VWF: variants seen among roughly 807,000 people sequenced by gnomAD.
VWF encodes von Willebrand factor.
Under a neutral mutation model 308.6 loss-of-function variants are expected in VWF, and 176 were observed. That is an observed-to-expected ratio of 0.57 (90% CI 0.50 to 0.65). The LOEUF (loss-of-function observed/expected upper bound fraction) is 0.65. VWF is among the 30% of genes least tolerant of loss of function. VWF has a pLI of 0.00. For missense variants in VWF, 3,146 were observed against 3,648.2 expected, an observed-to-expected ratio of 0.86 and a Z score of 3.55; for synonymous variants, 1,385 against 1,443.4, an observed-to-expected ratio of 0.96 and a Z score of 0.92.
chr12:6,091,666 C>T (rs527593665), intron 6 of VWF, among the ~76,000 whole-genome samples: 1 of 152,300 alleles, frequency 6.6e-6, no homozygotes, highest in Admixed American at 6.5e-5. Flanking sequence ...GACTCAGCCT[C>T]CTGAGCAGCT....
intron 49 of VWF, 124 bp from the exon 50 acceptor site, chr12:5,952,007 T>C (rs1030561308): frequency 2.2e-5 from 20 of 928,130 alleles, no homozygotes; most frequent in Admixed American, 9.4e-5. Context: ...AGATGTAAAC[T>C]ATGCTTTCCT....
chr12:6,099,389 A>G (rs796878561), intron 5 of VWF, among the ~76,000 whole-genome samples: 42 of 151,596 alleles, frequency 2.8e-4, no homozygotes, highest in African/African-American at 9.9e-4. Context: ...TGGATAAGTG[A>G]GGAAAAACGT....
intron 50 of VWF, 88 bp from the exon 51 acceptor site, chr12:5,949,971 A>G: frequency 8.3e-7 from 1 of 1,208,996 alleles, no homozygotes; most frequent in Non-Finnish European, 1.2e-6. Flanking sequence ...TGGGCTGGAA[A>G]TAGGTCCCTT....
chr12:6,034,554 C>T (rs2136430427), intron 20 of VWF, 134 bp downstream of exon 20: 1 of 1,374,508 alleles, frequency 7.3e-7, no homozygotes, highest in Non-Finnish European at 1.0e-6. Context: ...CTGTGAAGGA[C>T]TGGGAAGTAC....
At chr12:5,980,090 GA>G (rs1943582025) in intron 42 of VWF, among the ~76,000 whole-genome samples, 1 of 61,870 alleles carries the variant, frequency 1.6e-5, no homozygotes, top group Admixed American at 2.0e-4. Context: ...AGAAAAGAAA[GA>G]AAGGAAGGAA....
At chr12:6,015,096 A>G (rs1944041434) in intron 31 of VWF, among the ~76,000 whole-genome samples, 1 of 152,212 alleles carries the variant, frequency 6.6e-6, no homozygotes, top group Admixed American at 6.5e-5. Context: ...TATATTATCC[A>G]AATATATATC....
chr12:5,959,955 G>A (rs1943293809), intron 47 of VWF, among the ~76,000 whole-genome samples: 1 of 149,448 alleles, frequency 6.7e-6, no homozygotes. Context: ...TAAATGACAA[G>A]ACATAATAAA....
Position 5,981,891 on chromosome 12 carries a change from A to T in VWF, c.7182T>A (p.Cys2394Ter). The T allele has an allele frequency of 6.2e-7, 1 of 1,613,836 alleles. No individual in the cohort carries two copies. The highest frequency in any genetic ancestry group is 8.5e-7 in the Non-Finnish European group (1 of 1,179,962). The change falls in exon 42 of 52, where the codon TGT (cysteine) becomes TGA (stop). Residue 2394 changes from cysteine to a stop codon, truncating the protein, a stop_gained. Transcript: ENST00000261405. LOFTEE classifies it high-confidence loss of function. ...CTGTGGAGTTGACACAGTTGCAGGC[A>T]CACTCATACTCATCACAGCACTGGG... ...RKTQCCDEYECACNCVNSTVS... is the reference protein window; with the variant it reads ...RKTQCCDEYE
At chr12:6,095,160 C>T (rs906277137) in intron 6 of VWF, 3 of 389,740 alleles carry the variant, frequency 7.7e-6, no homozygotes, top group African/African-American at 6.2e-5. Context: ...TTTGGGCTGC[C>T]TAGCCTCCAG....
chr12:6,063,307 A>T lies in VWF; in HGVS notation c.1433-253T>A, dbSNP rs947574990. Among the ~76,000 whole-genome samples the T allele has an allele frequency of 6.6e-6, 1 of 152,086 alleles. No homozygotes were observed. The highest frequency in any genetic ancestry group is 2.4e-5 in the African/African-American group (1 of 41,392). On this transcript the variant is annotated intron_variant, in intron 12 of 51. Coordinates refer to ENST00000261405, the MANE Select transcript of VWF (RefSeq NM_000552.5). The surrounding 1 kb of genome is among the most constrained non-coding windows in gnomAD (Gnocchi z 4.9). Reference sequence around the variant, plus strand: ...CCCGCTATGACCTGCCATTCCCCCTACTGCCACAGGAGGGAGGCAGAGGCT... The same window carrying T: ...CCCGCTATGACCTGCCATTCCCCCTTCTGCCACAGGAGGGAGGCAGAGGCT...
chr12:5,980,096 AAGGAAGGAAGGAAGGAAGG>A (rs1943582711), intron 42 of VWF, among the ~76,000 whole-genome samples: 1 of 8,176 alleles, frequency 1.2e-4, no homozygotes, highest in African/African-American at 2.8e-4. Flanking sequence ...GAAAGAAAGG[AAGGAAGGAAGGAAGGAAGG>A]AAGGAAGGAA....
In VWF at chr12:6,036,428, A is replaced by G. The variant is rs1944337529; in HGVS notation, c.2506T>C (p.Tyr836His). The G allele has an allele frequency of 2.5e-6, 4 of 1,613,966 alleles. No individual in the cohort carries two copies. The highest frequency in any genetic ancestry group is 3.4e-6 in the Non-Finnish European group (4 of 1,179,956). Residue 836 changes from tyrosine (Y) to histidine (H), a missense_variant, in exon 19 of 52, where the codon TAT becomes CAT. This residue lies in a region of VWF where 1,304 missense variants were observed against 1,353.0 expected (regional missense o/e 0.96). Transcript: ENST00000261405. ...ATCTTCACTGTTTCTCCAGGGGCAT[A>G]CTCCTTGCCCTGATGGAAGCAGGGA... ...RCPCFHQGKE[Y>H]APGETVKIGC...
chr12:6,044,337 C>A lies in VWF; in HGVS notation c.2396G>T (p.Cys799Phe). 6.2e-7 allele frequency: 1 copy of A among 1,614,208 alleles called. No individual in the cohort carries two copies. Among genetic ancestry groups the A allele is most frequent in the South Asian group, 1.1e-5 (1 of 91,084 alleles). The change falls in exon 18 of 52, where the codon TGC becomes TTC. Residue 799 changes from cysteine to phenylalanine, a missense_variant. By Grantham distance (205) the Cys-to-Phe change is radical. Coordinates refer to ENST00000261405, the MANE Select transcript of VWF (RefSeq NM_000552.5). ...GCCAGAGACACAGCCCATGCTCATG[C>A]ACTCCAGGTCATAGTTCTGGCACGT... The part of the protein sequence containing the change: ...TKTCQNYDLE[C>F]MSMGCVSGCL...
Position 6,044,324 on chromosome 12 carries a change from G to C in VWF, c.2409C>G (p.Gly803=), listed in dbSNP as rs369828268. The C allele has an allele frequency of 1.9e-6, 3 of 1,614,052 alleles. No homozygotes were observed. The highest frequency in any genetic ancestry group is 2.5e-6 in the Non-Finnish European group (3 of 1,180,036). Residue 803 remains glycine, a synonymous_variant, in exon 18 of 52, where the codon GGC becomes GGG. Transcript: ENST00000261405. ...QNYDLECMSM[G]CVSGCLCPPG... ...GGGGGCAGAGGCAGCCAGAGACACA[G>C]CCCATGCTCATGCACTCCAGGTCAT...
intron 6 of VWF, among the ~76,000 whole-genome samples, chr12:6,090,468 GA>G (rs1311617831): frequency 6.6e-6 from 1 of 152,216 alleles, no homozygotes; most frequent in African/African-American, 2.4e-5. Context: ...AGGAGAAAAA[GA>G]ATGCGTGTTG....
chr12:5,951,883 C>A lies in VWF; in HGVS notation c.8116G>T (p.Gly2706Cys). Residue 2706 changes from glycine to cysteine, a missense_variant and splice_region_variant, in exon 50 of 52, where the codon GGT becomes TGT. By Grantham distance (159) the Gly-to-Cys change is radical. This residue lies in a region of VWF where 989 missense variants were observed against 1,117.4 expected (regional missense o/e 0.89). Transcript: ENST00000261405. ...GTGCCTGGAATTTTCATAATTTTAC[C>A]CTAAGAAAACAGCAAAATTTCAGGT... is the stretch of plus-strand genomic sequence containing the variant. ...FDEHKCLAEG[G>C]KIMKIPGTCC... 1 of 1,614,116 alleles carries A rather than the reference C, an allele frequency of 6.2e-7. No homozygotes were observed. The highest frequency in any genetic ancestry group is 8.5e-7 in the Non-Finnish European group (1 of 1,180,022).
intron 13 of VWF, 42 bp downstream of exon 13, chr12:6,062,912 G>C (rs1230087740): frequency 4.6e-6 from 7 of 1,533,132 alleles, no homozygotes; most frequent in Non-Finnish European, 6.3e-6. Context: ...TACTTTGTAA[G>C]GGTCGGGCCG....
intron 7 of VWF, among the ~76,000 whole-genome samples, chr12:6,074,728 G>C (rs1170980066): frequency 1.3e-5 from 2 of 152,096 alleles, no homozygotes; most frequent in Non-Finnish European, 2.9e-5. Flanking sequence ...TGGGGAAAGA[G>C]GAGACTTCTT....
chr12:6,113,502 G>A (rs1241290874), intron 3 of VWF, among the ~76,000 whole-genome samples: 4 of 152,090 alleles, frequency 2.6e-5, no homozygotes, highest in Admixed American at 6.5e-5. Context: ...TTTCACCATA[G>A]CCAGGATGGT....
Sources: gnomAD v4.1 joint callset for allele counts (sites outside exome capture counted in the v4.1 genomes callset) on GRCh38, gnomAD v4.1.1 for gene constraint, gnomAD v4.1.1 regional missense constraint, Gnocchi (gnomAD v3.1) non-coding constraint, MANE v1.5 for transcripts, NCBI Gene and HGNC (gene_info 2026-07-23, HGNC 2026-07-21) for gene names.